Variants in NME8 observed in about 807,000 individuals in gnomAD.
NME8 encodes the protein protein NME8.
NME8 carries 72 observed loss-of-function variants against 82.3 expected under a neutral mutation model. That is an observed-to-expected ratio of 0.87 (90% CI 0.72 to 1.06). The LOEUF (loss-of-function observed/expected upper bound fraction) is 1.06, where lower values mean the gene tolerates loss of function less well. Among genes scored for constraint, NME8 ranks in the 50% least tolerant of loss-of-function variants. NME8 has a pLI of 0.00. For missense variants in NME8, 712 were observed against 685.4 expected, an observed-to-expected ratio of 1.04 and a Z score of -0.43; for synonymous variants, 267 against 228.5, an observed-to-expected ratio of 1.17 and a Z score of -1.52.
chr7:37,859,363 T>TC (rs1784564762), intron 6 of NME8, among the ~76,000 whole-genome samples: 1 of 152,108 alleles, frequency 6.6e-6, no homozygotes, highest in African/African-American at 2.4e-5. Context: ...TTCCCCTATC[T>TC]CCCAAACCTT....
At chr7:37,868,348 C>T (rs952526326) in intron 11 of NME8, among the ~76,000 whole-genome samples, 1 of 152,118 alleles carries the variant, frequency 6.6e-6, no homozygotes, top group African/African-American at 2.4e-5. Flanking sequence ...CATGTTGGTG[C>T]CTTGATGTCA....
chr7:37,853,135 T>G (rs1011343465), intron 5 of NME8, among the ~76,000 whole-genome samples: 1 of 152,126 alleles, frequency 6.6e-6, no homozygotes, highest in African/African-American at 2.4e-5. Flanking sequence ...TTTGAGGAGG[T>G]GTCTGCTAAG....
chr7:37,890,046 A>G (rs913514453), intron 15 of NME8, among the ~76,000 whole-genome samples: 3 of 151,908 alleles, frequency 2.0e-5, no homozygotes, highest in South Asian at 2.1e-4. Flanking sequence ...CAAAGTTCTT[A>G]TTTGTCTCAT....
intron 12 of NME8, among the ~76,000 whole-genome samples, 200 bp from the exon 13 acceptor site, chr7:37,884,103 A>T (rs1785005303): frequency 6.6e-6 from 1 of 152,146 alleles, no homozygotes. Flanking sequence ...TACGATGAAA[A>T]ATTGGAAATA....
intron 8 of NME8, 32 bp downstream of exon 8, chr7:37,863,494 GT>G: frequency 7.5e-7 from 1 of 1,336,482 alleles, no homozygotes; most frequent in Non-Finnish European, 1.1e-6. Context: ...TAATCCAAGG[GT>G]TTTCTGTACG....
rs755043696 is a variant in NME8, at chr7:37,894,525, T to A, written c.1459T>A (p.Phe487Ile). ...TGATCTGACACAGGTGAAGAAAATGTTCCTAACTCCTGAGCAAATAGAGAA... is the reference window on the plus strand; with the variant it reads ...TGATCTGACACAGGTGAAGAAAATGATCCTAACTCCTGAGCAAATAGAGAA... ...GFDLTQVKKM[F>I]LTPEQIEKIY... The change falls in exon 16 of 18, where the codon TTC becomes ATC. Residue 487 changes from phenylalanine (F) to isoleucine (I), a missense_variant. Transcript: ENST00000199447. 4 of 1,612,958 alleles carry A rather than the reference T, an allele frequency of 2.5e-6. No individual in the cohort carries two copies. The Admixed American group carries it at 6.7e-5, about 27-fold the overall frequency.
chr7:37,879,337 G>T (rs1273258972), intron 12 of NME8, among the ~76,000 whole-genome samples: 1 of 151,844 alleles, frequency 6.6e-6, no homozygotes, highest in African/African-American at 2.4e-5. Flanking sequence ...AGTAGAGAGG[G>T]GGTTTCCCCA....
chr7:37,867,072 A>G (rs1450301479), intron 10 of NME8, among the ~76,000 whole-genome samples: 1 of 152,330 alleles, frequency 6.6e-6, no homozygotes, highest in African/African-American at 2.4e-5. Context: ...GCGTTTTTAC[A>G]TAAACAACTG....
At chr7:37,874,258 C>T (rs1008413774) in intron 11 of NME8, among the ~76,000 whole-genome samples, 1 of 152,108 alleles carries the variant, frequency 6.6e-6, no homozygotes, top group African/African-American at 2.4e-5. Context: ...TATAATATAA[C>T]AGCTGATGAA....
chr7:37,871,322 A>G (rs1329125751), intron 11 of NME8, among the ~76,000 whole-genome samples: 2 of 152,190 alleles, frequency 1.3e-5, no homozygotes, highest in African/African-American at 2.4e-5. Flanking sequence ...AACAGGGCAG[A>G]GGTACCCATG....
intron 11 of NME8, among the ~76,000 whole-genome samples, chr7:37,872,318 G>A (rs1784777712): frequency 6.6e-6 from 1 of 152,032 alleles, no homozygotes. Flanking sequence ...CCAACTACAG[G>A]GTTTCCAACA....
chr7:37,866,258 T>C (rs1455424912), intron 10 of NME8, among the ~76,000 whole-genome samples: 1 of 152,120 alleles, frequency 6.6e-6, no homozygotes, highest in East Asian at 1.9e-4. Flanking sequence ...TCAGTTGCAC[T>C]AGCCACATTT....
In NME8 at chr7:37,862,027, G is replaced by A; in HGVS notation, c.271-1G>A. ...CCCTCCTGTTTTCATTTCCCTTATA[G>A]AATGGCAAAATTATCGAAAAGATTC... On this transcript the variant is annotated splice_acceptor_variant, in intron 6 of 17. Coordinates refer to ENST00000199447, the MANE Select transcript of NME8 (RefSeq NM_016616.5). LOFTEE classifies it high-confidence loss of function. 6.2e-7 allele frequency: 1 copy of A among 1,606,828 alleles called. No homozygotes were observed. Among genetic ancestry groups the A allele is most frequent in the South Asian group, 1.1e-5 (1 of 90,900 alleles).
At chr7:37,867,554 T>G in intron 10 of NME8, 148 bp from the exon 11 acceptor site, 1 of 670,424 alleles carries the variant, frequency 1.5e-6, no homozygotes, top group Non-Finnish European at 2.7e-6. Flanking sequence ...AATAAAAATG[T>G]ATTGTTAACA....
At chr7:37,883,503 C>A (rs544901702) in intron 12 of NME8, among the ~76,000 whole-genome samples, 10 of 152,130 alleles carry the variant, frequency 6.6e-5, no homozygotes, top group Non-Finnish European at 1.0e-4. Flanking sequence ...ACTCTATTTC[C>A]TGTTTTTTGG....
intron 11 of NME8, among the ~76,000 whole-genome samples, chr7:37,869,862 A>G (rs1285431848): frequency 6.6e-6 from 1 of 151,868 alleles, no homozygotes; most frequent in Non-Finnish European, 1.5e-5. Flanking sequence ...AAGCCTCACA[A>G]TCTCTCTGAC....
rs750395044 is a variant in NME8, at chr7:37,857,365, C to G, written c.270+20C>G. ...AGTGTTGTAAGTATATTTACTTTCT[C>G]AATTGCATTATCAGATTCCAGTTTG... On this transcript the variant is annotated intron_variant, in intron 6 of 17. Transcript: ENST00000199447. The G allele has an allele frequency of 6.7e-7, 1 of 1,483,222 alleles. No individual in the cohort carries two copies. The allele number at this position is 1,483,222 out of a possible 1,614,324, so 91.9% of individuals were successfully genotyped here. A position where few individuals can be genotyped will look rare whatever the true frequency, so the allele number is the denominator to read the frequency against.
Position 37,884,458 on chromosome 7 carries a change from G to T in NME8, c.1139+11G>T. ...AGAAAACATGACCAGGTAGAATCCA[G>T]GTTGAGAAAATTCAGTCTGATTTAT... On this transcript the variant is annotated intron_variant, in intron 13 of 17. Transcript: ENST00000199447. 6.2e-7 allele frequency: 1 copy of T among 1,607,158 alleles called. No homozygotes were observed. Among genetic ancestry groups the T allele is most frequent in the South Asian group, 1.1e-5 (1 of 90,792 alleles).
intron 11 of NME8, among the ~76,000 whole-genome samples, chr7:37,875,456 G>T (rs547232609): frequency 3.5e-4 from 48 of 136,222 alleles, no homozygotes; most frequent in Middle Eastern, 3.6e-3. Flanking sequence ...CACATTGGGG[G>T]ATGAAAGCAG....
Sources: gnomAD v4.1 joint callset for allele counts (sites outside exome capture counted in the v4.1 genomes callset) on GRCh38, gnomAD v4.1.1 for gene constraint, MANE v1.5 for transcripts, NCBI Gene and HGNC (gene_info 2026-07-23, HGNC 2026-07-21) for gene names.